CLNK: variants seen among roughly 807,000 people sequenced by gnomAD.
CLNK encodes cytokine-dependent hematopoietic cell linker.
A neutral mutation model predicts 68.6 loss-of-function variants in CLNK; 74 were observed. That is an observed-to-expected ratio of 1.08 (90% confidence interval 0.89 to 1.31). The LOEUF (loss-of-function observed/expected upper bound fraction) is 1.31, where lower values mean the gene tolerates loss of function less well. Ranked by LOEUF, CLNK falls within the 50% of genes most tolerant of loss-of-function variation. The pLI, the probability that CLNK is intolerant of heterozygous loss-of-function variation, is 0.00. For missense variants in CLNK, 553 were observed against 515.3 expected, an observed-to-expected ratio of 1.07 and a Z score of -0.71; for synonymous variants, 198 against 172.2, an observed-to-expected ratio of 1.15 and a Z score of -1.17.
chr4:10,514,541 T>A (rs759997629), intron 15 of CLNK, among the ~76,000 whole-genome samples: 31 of 145,256 alleles, frequency 2.1e-4, no homozygotes, highest in Non-Finnish European at 4.1e-4. Flanking sequence ...GAAAACTGGC[T>A]AGCCATATGT....
chr4:10,626,967 T>G (rs1722698267), intron 2 of CLNK, among the ~76,000 whole-genome samples: 1 of 152,226 alleles, frequency 6.6e-6, no homozygotes. Flanking sequence ...ATCCATAGAC[T>G]AGCTCTAGAA....
chr4:10,493,145 C>T (rs1010064408), intron 18 of CLNK, among the ~76,000 whole-genome samples: 1 of 152,136 alleles, frequency 6.6e-6, no homozygotes, highest in African/African-American at 2.4e-5. Flanking sequence ...AGTGAAATCC[C>T]CTCTCTACCA....
chr4:10,509,397 A>C (rs1403779359), intron 16 of CLNK, among the ~76,000 whole-genome samples: 1 of 151,974 alleles, frequency 6.6e-6, no homozygotes. Context: ...AAGTGCTTGT[A>C]CTCTGGACAC....
upstream of CLNK, among the ~76,000 whole-genome samples, chr4:10,689,008 T>C (rs963685448): frequency 4.6e-5 from 7 of 152,142 alleles, no homozygotes; most frequent in African/African-American, 1.7e-4. Flanking sequence ...ATTTGATTCT[T>C]AATTCACTTC....
intron 3 of CLNK, among the ~76,000 whole-genome samples, chr4:10,590,270 A>T (rs1260401827): frequency 2.6e-5 from 4 of 152,144 alleles, no homozygotes; most frequent in Non-Finnish European, 1.5e-5. Context: ...AAGGCTACTA[A>T]AGTAAACTCC....
At chr4:10,727,240 C>G in the CLNK span, among the ~76,000 whole-genome samples, 1 of 152,216 alleles carries the variant, frequency 6.6e-6, no homozygotes, top group Non-Finnish European at 1.5e-5. Context: ...AATAACTGAT[C>G]TTTCTGCCCA....
the CLNK span, among the ~76,000 whole-genome samples, chr4:10,714,329 C>G: frequency 6.6e-5 from 10 of 152,200 alleles, no homozygotes; most frequent in African/African-American, 2.4e-4. Context: ...AAATAACTAC[C>G]CTCCATGAAA....
At chr4:10,612,131 C>T (rs61794850) in intron 2 of CLNK, among the ~76,000 whole-genome samples, 6,090 of 152,296 alleles carry the variant, frequency 0.04, 178 homozygotes, top group Middle Eastern at 0.099. Flanking sequence ...CTCTCAGTAA[C>T]CAAGTGTTGA....
chr4:10,614,303 G>T (rs2108856181), intron 2 of CLNK, among the ~76,000 whole-genome samples: 1 of 152,284 alleles, frequency 6.6e-6, no homozygotes, highest in South Asian at 2.1e-4. Flanking sequence ...TCATTACAGA[G>T]ATGCCAGGTG....
intron 2 of CLNK, among the ~76,000 whole-genome samples, chr4:10,621,083 G>A (rs777146341): frequency 3.9e-5 from 6 of 152,118 alleles, no homozygotes; most frequent in Non-Finnish European, 7.3e-5. Flanking sequence ...GTGACAGAGC[G>A]AGACTCCGTC....
chr4:10,560,204 AC>A (rs1164591732), intron 7 of CLNK, among the ~76,000 whole-genome samples: 5 of 152,142 alleles, frequency 3.3e-5, no homozygotes, highest in Admixed American at 6.5e-5. Flanking sequence ...GAACATGGAA[AC>A]TGCCCATCTG....
At chr4:10,515,095 G>A (rs989453152) in intron 15 of CLNK, among the ~76,000 whole-genome samples, 13 of 152,114 alleles carry the variant, frequency 8.5e-5, no homozygotes, top group African/African-American at 2.2e-4. Context: ...AAAATTATCC[G>A]GGCATGGTGG....
intron 4 of CLNK, among the ~76,000 whole-genome samples, chr4:10,573,708 G>A (rs1720439779): frequency 6.6e-6 from 1 of 152,146 alleles, no homozygotes; most frequent in African/African-American, 2.4e-5. Flanking sequence ...TGGCCTCAAG[G>A]AGTGCGGTCA....
Position 10,491,056 on chromosome 4 carries a change from C to T in CLNK, c.1141-443G>A, listed in dbSNP as rs545042085. 2.4e-4 allele frequency among the ~76,000 whole-genome samples: 36 copies of T among 152,304 alleles called. No individual in the cohort carries two copies. In the East Asian group the frequency reaches 4.6e-3, roughly 20 times the overall value. On this transcript the variant is annotated intron_variant, in intron 18 of 18. Transcript: ENST00000226951. ...CTGGGATTACAGGCATGAGCCACCA[C>T]GCCTGACCGGAAGTAGTTTTTAAAA...
chr4:10,608,432 T>A (rs1484027152), intron 2 of CLNK, among the ~76,000 whole-genome samples: 2 of 152,210 alleles, frequency 1.3e-5, no homozygotes, highest in Non-Finnish European at 2.9e-5. Context: ...TTTCCAATAA[T>A]CTTTCCCAAA....
At chr4:10,594,790 G>T (rs1173965217) in intron 3 of CLNK, among the ~76,000 whole-genome samples, 1 of 152,146 alleles carries the variant, frequency 6.6e-6, no homozygotes, top group African/African-American at 2.4e-5. Context: ...ACATAAGAAA[G>T]TTTTTGATCA....
chr4:10,562,178 G>T (rs1318559134), intron 7 of CLNK, among the ~76,000 whole-genome samples: 3 of 141,708 alleles, frequency 2.1e-5, no homozygotes, highest in Non-Finnish European at 4.5e-5. Context: ...TCAGCTCACT[G>T]CAGCCTCGAC....
At chr4:10,512,709 AG>A (rs1717644976) in intron 16 of CLNK, among the ~76,000 whole-genome samples, 1 of 151,990 alleles carries the variant, frequency 6.6e-6, no homozygotes, top group Non-Finnish European at 1.5e-5. Flanking sequence ...GTAGCAGGAC[AG>A]TGAGTAATAG....
intron 2 of CLNK, among the ~76,000 whole-genome samples, chr4:10,616,962 G>A (rs1439165222): frequency 2.0e-5 from 3 of 151,888 alleles, no homozygotes; most frequent in African/African-American, 4.8e-5. Context: ...AATATAGCTA[G>A]TACATGGCAC....
Sources: allele counts gnomAD v4.1 joint callset (sites outside exome capture counted in the v4.1 genomes callset), GRCh38; gene constraint gnomAD v4.1.1; transcripts MANE v1.5; gene names NCBI Gene and HGNC (gene_info 2026-07-23, HGNC 2026-07-21).